The following TCERG1L variants were observed in gnomAD, a reference collection of about 807,000 sequenced individuals.
The protein encoded by TCERG1L is transcription elongation regulator 1-like protein.
TCERG1L carries 37 observed loss-of-function variants against 56.3 expected under a neutral mutation model. That is an observed-to-expected ratio of 0.66 (90% CI 0.51 to 0.87). The LOEUF (loss-of-function observed/expected upper bound fraction) is 0.87. Ranked by LOEUF, TCERG1L falls within the 40% of genes least tolerant of loss-of-function variation. TCERG1L has a pLI of 0.00. For missense variants in TCERG1L, 799 were observed against 774.2 expected (o/e 1.03, Z -0.38); for synonymous variants, 324 against 326.3 (o/e 0.99, Z 0.08).
chr10:131,298,144 ATTTC>A (rs1055622358), intron 3 of TCERG1L, among the ~76,000 whole-genome samples: 2 of 71,584 alleles, frequency 2.8e-5, no homozygotes, highest in African/African-American at 7.5e-5. Flanking sequence ...AATTTGAGGT[ATTTC>A]TTTTTTTTTT....
In TCERG1L at chr10:131,147,669, C is replaced by T. The variant is rs573127728; in HGVS notation, c.1035-1009G>A. Among the ~76,000 whole-genome samples, 13 of 152,374 alleles carry T rather than the reference C, an allele frequency of 8.5e-5. No individual in the cohort carries two copies. In the South Asian group the frequency reaches 2.5e-3, roughly 29 times the overall value. On this transcript the variant is annotated intron_variant, in intron 6 of 11. Coordinates refer to ENST00000368642, the MANE Select transcript of TCERG1L (RefSeq NM_174937.4). ...CAGTGACTTCAGAAGGTCCCTCTGGCTCCGCAAGTCTCCTGGGACTTTTCA... is the reference window on the plus strand; with the variant it reads ...CAGTGACTTCAGAAGGTCCCTCTGGTTCCGCAAGTCTCCTGGGACTTTTCA...
At chr10:131,117,582 C>T (rs1051690007) in intron 8 of TCERG1L, among the ~76,000 whole-genome samples, 25 of 152,308 alleles carry the variant, frequency 1.6e-4, no homozygotes, top group African/African-American at 4.1e-4. Flanking sequence ...GCCAAGGCCC[C>T]GGACACTGTG....
intron 3 of TCERG1L, among the ~76,000 whole-genome samples, chr10:131,297,532 T>C (rs1005334093): frequency 5.3e-5 from 8 of 152,220 alleles, no homozygotes; most frequent in Admixed American, 2.0e-4. Context: ...TGGTCTGCTA[T>C]TTTCTCTCTG....
chr10:131,251,185 C>T lies in TCERG1L; in HGVS notation c.856+9074G>A, dbSNP rs551108456. On this transcript the variant is annotated intron_variant, in intron 4 of 11. Transcript: ENST00000368642. ...GTCAGATTCCACACTGCCACCTCTT[C>T]GTTCCCCTGGAGCTCTGCCGTGGCC... 5.9e-5 allele frequency among the ~76,000 whole-genome samples: 9 copies of T among 152,312 alleles called. No individual in the cohort carries two copies. In the South Asian group the frequency reaches 8.3e-4, roughly 14 times the overall value.
intron 3 of TCERG1L, among the ~76,000 whole-genome samples, chr10:131,266,471 G>A (rs1289852108): frequency 1.3e-5 from 2 of 152,196 alleles, no homozygotes; most frequent in South Asian, 2.1e-4. Context: ...AAAATGTTAC[G>A]AGATCTTTGG....
At chr10:131,186,673 G>A (rs561028859) in intron 4 of TCERG1L, among the ~76,000 whole-genome samples, 4 of 152,298 alleles carry the variant, frequency 2.6e-5, no homozygotes, top group African/African-American at 7.2e-5. Flanking sequence ...ATGTGTCCCC[G>A]AGGAGCCCCC....
chr10:131,196,325 G>A (rs1290998804), intron 4 of TCERG1L, among the ~76,000 whole-genome samples: 1 of 152,092 alleles, frequency 6.6e-6, no homozygotes, highest in Non-Finnish European at 1.5e-5. Flanking sequence ...GGAGACACAG[G>A]CACATACACA....
intron 4 of TCERG1L, among the ~76,000 whole-genome samples, chr10:131,245,614 A>G (rs1035485674): frequency 1.3e-5 from 2 of 152,184 alleles, no homozygotes; most frequent in African/African-American, 4.8e-5. Flanking sequence ...TGTCCTGCCC[A>G]CAGGCCGCCG....
intron 7 of TCERG1L, among the ~76,000 whole-genome samples, chr10:131,144,301 T>A (rs185594139): frequency 3.1e-4 from 47 of 152,154 alleles, no homozygotes; most frequent in African/African-American, 1.1e-3. Flanking sequence ...ACTCAAACCA[T>A]CTCCCCTAGG....
intron 4 of TCERG1L, among the ~76,000 whole-genome samples, chr10:131,174,365 G>A (rs1225137542): frequency 1.3e-5 from 2 of 152,196 alleles, no homozygotes; most frequent in Non-Finnish European, 2.9e-5. Context: ...CCTCCTTGAA[G>A]CTGGCGCAGG....
chr10:131,129,966 A>G (rs1005005980), intron 8 of TCERG1L, among the ~76,000 whole-genome samples: 9 of 152,054 alleles, frequency 5.9e-5, no homozygotes, highest in African/African-American at 2.2e-4. Flanking sequence ...CTCATGCACT[A>G]TCATGAGACC....
chr10:131,218,981 G>C (rs1166756911), intron 4 of TCERG1L, among the ~76,000 whole-genome samples: 1 of 152,074 alleles, frequency 6.6e-6, no homozygotes, highest in African/African-American at 2.4e-5. Context: ...CTTAGCCAGG[G>C]CACCAGCCAC....
At chr10:131,299,085 T>G (rs1390743050) in intron 3 of TCERG1L, among the ~76,000 whole-genome samples, 2 of 152,228 alleles carry the variant, frequency 1.3e-5, no homozygotes, top group Admixed American at 6.5e-5. Flanking sequence ...GAAATTTTTA[T>G]CCCTAGTAAT....
At chr10:131,105,889 T>C (rs892203338) in intron 9 of TCERG1L, among the ~76,000 whole-genome samples, 2 of 152,212 alleles carry the variant, frequency 1.3e-5, no homozygotes, top group Non-Finnish European at 1.5e-5. Context: ...CGTGGTGGGT[T>C]CCCGGCTCCT....
intron 3 of TCERG1L, among the ~76,000 whole-genome samples, chr10:131,304,126 G>C (rs1846795798): frequency 6.6e-6 from 1 of 151,968 alleles, no homozygotes; most frequent in South Asian, 2.1e-4. Flanking sequence ...TCTATTGGTA[G>C]AATCAGGCTC....
intron 4 of TCERG1L, among the ~76,000 whole-genome samples, chr10:131,259,354 T>C (rs571086136): frequency 5.9e-5 from 9 of 152,322 alleles, no homozygotes; most frequent in East Asian, 5.8e-4. Context: ...CAATCTTCCA[T>C]GGAATTTCTC....
chr10:131,244,498 G>A (rs750224311), intron 4 of TCERG1L, among the ~76,000 whole-genome samples: 10 of 152,094 alleles, frequency 6.6e-5, no homozygotes, highest in African/African-American at 2.4e-4. Context: ...TTTAAGGTGC[G>A]CTGGAAGAAA....
At chr10:131,257,037 GAAAGAAAGAAAGAAAGA>G (rs1846179409) in intron 4 of TCERG1L, among the ~76,000 whole-genome samples, 3 of 141,780 alleles carry the variant, frequency 2.1e-5, no homozygotes, top group South Asian at 4.5e-4. Flanking sequence ...AAGAAAGAAA[GAAAGAAAGAAAGAAAGA>G]AAAGAAAGAA....
At chr10:131,163,726 C>G (rs1846001797) in intron 5 of TCERG1L, among the ~76,000 whole-genome samples, 1 of 152,200 alleles carries the variant, frequency 6.6e-6, no homozygotes, top group Non-Finnish European at 1.5e-5. Context: ...CCCCAGGCTC[C>G]CGCCCTTCCC....
Sources: gnomAD v4.1 joint callset for allele counts (sites outside exome capture counted in the v4.1 genomes callset) on GRCh38, gnomAD v4.1.1 for gene constraint, MANE v1.5 for transcripts, NCBI Gene and HGNC (gene_info 2026-07-23, HGNC 2026-07-21) for gene names.